Variants in DAB1 observed in about 807,000 individuals in gnomAD.
DAB1 encodes disabled homolog 1.
DAB1 carries 15 observed loss-of-function variants against 64.6 expected under a neutral mutation model. The observed-to-expected ratio is 0.23, with a 90% confidence interval of 0.16 to 0.36. DAB1 has a LOEUF of 0.36. Among genes scored for constraint, DAB1 ranks in the 10% least tolerant of loss-of-function variants. DAB1 has a pLI of 1.00. For missense variants in DAB1, 596 were observed against 706.7 expected (o/e 0.84, Z 1.78); for synonymous variants, 235 against 251.9 (o/e 0.93, Z 0.64).
chr1:58,422,099 G>T (rs1644778091), intron 3 of DAB1, among the ~76,000 whole-genome samples: 1 of 152,060 alleles, frequency 6.6e-6, no homozygotes, highest in South Asian at 2.1e-4. Context: ...ACTAGAACCA[G>T]AACGCATTTC....
chr1:57,081,659 T>C (rs1000428555), intron 4 of DAB1, among the ~76,000 whole-genome samples: 3 of 151,986 alleles, frequency 2.0e-5, no homozygotes, highest in Non-Finnish European at 4.4e-5. Context: ...AACAATATAA[T>C]AGTCATCACT....
At chr1:58,093,340 C>T (rs1650789637) in intron 5 of DAB1, among the ~76,000 whole-genome samples, 1 of 152,032 alleles carries the variant, frequency 6.6e-6, no homozygotes, top group Non-Finnish European at 1.5e-5. Flanking sequence ...GTCCCTAATT[C>T]CAAGGCCATG....
chr1:58,324,514 C>T (rs77303064), intron 4 of DAB1, among the ~76,000 whole-genome samples: 3,743 of 152,192 alleles, frequency 0.025, 171 homozygotes, highest in African/African-American at 0.085. Context: ...GCAATTGGAC[C>T]CCCATCAGGC....
At chr1:58,541,989 G>A (rs905295640) in intron 1 of DAB1, among the ~76,000 whole-genome samples, 7 of 152,108 alleles carry the variant, frequency 4.6e-5, no homozygotes, top group African/African-American at 1.7e-4. Context: ...AAGCTAATAC[G>A]ATATTATCTA....
intron 4 of DAB1, among the ~76,000 whole-genome samples, chr1:58,246,605 G>A (rs1660544776): frequency 6.6e-6 from 1 of 152,206 alleles, no homozygotes. Flanking sequence ...GTGTGAGGCT[G>A]CATATGATGT....
At chr1:58,227,651 G>A (rs999848551) in intron 4 of DAB1, among the ~76,000 whole-genome samples, 2 of 152,106 alleles carry the variant, frequency 1.3e-5, no homozygotes, top group Non-Finnish European at 2.9e-5. Flanking sequence ...AGACCAAGAA[G>A]GAAAAGACAC....
At chr1:57,924,838 T>A (rs1644857322) in intron 5 of DAB1, among the ~76,000 whole-genome samples, 1 of 152,026 alleles carries the variant, frequency 6.6e-6, no homozygotes. Context: ...TCAAATGGAT[T>A]AGATGAGTTA....
At chr1:57,053,554 G>A (rs780376987) in intron 9 of DAB1, among the ~76,000 whole-genome samples, 6 of 150,966 alleles carry the variant, frequency 4.0e-5, no homozygotes, top group Non-Finnish European at 7.4e-5. Flanking sequence ...AAGCCTGGCT[G>A]TCATTAAAAG....
chr1:57,723,176 A>T (rs1647171510), intron 6 of DAB1, among the ~76,000 whole-genome samples: 1 of 152,174 alleles, frequency 6.6e-6, no homozygotes. Context: ...TTTCATTTAA[A>T]TTCCATAGCT....
chr1:58,215,632 A>C (rs1186708119), intron 4 of DAB1, among the ~76,000 whole-genome samples: 1 of 152,154 alleles, frequency 6.6e-6, no homozygotes, highest in Non-Finnish European at 1.5e-5. Flanking sequence ...CTTATAAGCC[A>C]AGTTCTGCCA....
chr1:57,562,594 A>T lies in DAB1; in HGVS notation n.625+86998T>A. Among the ~76,000 whole-genome samples, 2 of 152,212 alleles carry T rather than the reference A, an allele frequency of 1.3e-5. 1 individual carries two copies. The highest frequency in any genetic ancestry group is 2.9e-5 in the Non-Finnish European group (2 of 68,042). ...TGTATGCTCTGAATCAGCATCCAATATATGGTACTGTGTCTCCCACAGCCA... is the reference window on the plus strand; with the variant it reads ...TGTATGCTCTGAATCAGCATCCAATTTATGGTACTGTGTCTCCCACAGCCA... On this transcript the variant is annotated intron_variant and non_coding_transcript_variant, in intron 7 of 20. Coordinates refer to the DAB1 transcript ENST00000485760.
At chr1:57,298,772 A>G (rs1673401267) in intron 1 of DAB1, among the ~76,000 whole-genome samples, 1 of 152,262 alleles carries the variant, frequency 6.6e-6, no homozygotes, top group Non-Finnish European at 1.5e-5. Context: ...TGAGGGCAGA[A>G]GCAAGAATAA....
intron 5 of DAB1, among the ~76,000 whole-genome samples, chr1:57,964,542 T>C (rs1645604644): frequency 6.6e-6 from 1 of 152,160 alleles, no homozygotes; most frequent in South Asian, 2.1e-4. Context: ...AGTAAATAAA[T>C]GGATGAGTAT....
intron 5 of DAB1, among the ~76,000 whole-genome samples, chr1:58,115,754 C>G (rs1173499640): frequency 6.8e-5 from 7 of 103,682 alleles, no homozygotes; most frequent in Non-Finnish European, 1.3e-4. Flanking sequence ...AACCAAACAC[C>G]GCATATTCTC....
In DAB1 at chr1:58,519,452, G is replaced by A. The variant is rs959818665; in HGVS notation, n.107+7809C>T. The stretch of plus-strand genomic sequence containing the variant: ...GCTTCCCCAAAGAAAGAGCTAGATC[G>A]CTGTCCTACAATCTTACAGTAGAGC... On this transcript the variant is annotated intron_variant and non_coding_transcript_variant, in intron 2 of 20. Transcript: ENST00000485760. 4.6e-5 allele frequency among the ~76,000 whole-genome samples: 7 copies of A among 152,060 alleles called. No homozygotes were observed. The East Asian group carries it at 5.8e-4, about 13-fold the overall frequency.
chr1:58,045,003 C>A (rs1011211686), intron 5 of DAB1, among the ~76,000 whole-genome samples: 2 of 152,140 alleles, frequency 1.3e-5, no homozygotes, highest in South Asian at 2.1e-4. Context: ...ACTAGAAAAT[C>A]TGTTTTTTTC....
At chr1:57,469,730 G>A (rs1687076719) in intron 7 of DAB1, among the ~76,000 whole-genome samples, 1 of 152,036 alleles carries the variant, frequency 6.6e-6, no homozygotes, top group African/African-American at 2.4e-5. Flanking sequence ...ATACAAAGAG[G>A]TTACATTCTA....
At chr1:57,913,963 G>A (rs573309731) in intron 5 of DAB1, among the ~76,000 whole-genome samples, 2 of 152,344 alleles carry the variant, frequency 1.3e-5, no homozygotes, top group South Asian at 4.1e-4. Flanking sequence ...TGGAGAGGAT[G>A]TGGAGAAATA....
chr1:58,129,543 T>C lies in DAB1; in HGVS notation n.387+20968A>G, dbSNP rs981980807. Among the ~76,000 whole-genome samples the C allele has an allele frequency of 5.9e-4, 77 of 131,246 alleles. 2 individuals carry two copies. Among genetic ancestry groups the C allele is most frequent in the Non-Finnish European group, 8.1e-4 (52 of 63,864 alleles). 86.1% of individuals were successfully genotyped at this position (131,246 alleles called of 152,430 possible). On this transcript the variant is annotated intron_variant and non_coding_transcript_variant, in intron 5 of 20. Transcript: ENST00000485760. ...CTTGCTTTTCTAGTTCTTTTAATTG[T>C]GATGTTACGGTGTCAATTTTGGATC...
Sources: gnomAD v4.1 joint callset for allele counts (sites outside exome capture counted in the v4.1 genomes callset) on GRCh38, gnomAD v4.1.1 for gene constraint, MANE v1.5 for transcripts, NCBI Gene and HGNC (gene_info 2026-07-23, HGNC 2026-07-21) for gene names.